Variants in ADK observed in about 807,000 individuals in gnomAD.
ADK encodes adenosine kinase, also known as N6,N6-dimethyladenosine kinase.
Under a neutral mutation model 44.7 loss-of-function variants are expected in ADK, and 24 were observed. The ratio of observed to expected loss-of-function variants is 0.54; its 90% CI spans 0.39 to 0.76. ADK has a LOEUF of 0.76. Ranked by LOEUF, ADK falls within the 30% of genes least tolerant of loss-of-function variation. The pLI is 0.00. For synonymous variants in ADK, 128 were observed against 142.6 expected, an observed-to-expected ratio of 0.90 and a Z score of 0.73; for missense variants, 321 against 425.1, an observed-to-expected ratio of 0.76 and a Z score of 2.15.
At chr10:74,545,470 C>T (rs577297071) in intron 7 of ADK, among the ~76,000 whole-genome samples, 1 of 152,238 alleles carries the variant, frequency 6.6e-6, no homozygotes, top group Admixed American at 6.5e-5. Flanking sequence ...GGTTTCAGTC[C>T]ATGGTGTACA....
chr10:74,572,634 G>A (rs1471754792), intron 7 of ADK, among the ~76,000 whole-genome samples: 1 of 151,986 alleles, frequency 6.6e-6, no homozygotes, highest in South Asian at 2.1e-4. Flanking sequence ...TCACTTTCAG[G>A]TACACAAATC....
chr10:74,546,896 T>C (rs1300398081), intron 7 of ADK, among the ~76,000 whole-genome samples: 1 of 152,170 alleles, frequency 6.6e-6, no homozygotes, highest in Non-Finnish European at 1.5e-5. Flanking sequence ...TAACAATGCA[T>C]GCTCATTGTA....
At chr10:74,282,852 T>C (rs1411619908) in intron 3 of ADK, among the ~76,000 whole-genome samples, 3 of 152,200 alleles carry the variant, frequency 2.0e-5, no homozygotes, top group African/African-American at 7.2e-5. Flanking sequence ...TAATTTTGTC[T>C]TATAGTATAT....
rs138464212 is a variant in ADK, at chr10:74,618,308, A to G, written c.877+17815A>G. On this transcript the variant is annotated intron_variant, in intron 9 of 10. Transcript: ENST00000539909. ...TATTTTTTTCTTTTTCTTCTCATTT[A>G]GCTTCTCGGTCTTGCCCTGTTGCCC... Among the ~76,000 whole-genome samples, 50 of 148,428 alleles carry G rather than the reference A, an allele frequency of 3.4e-4. 1 individual carries two copies. In the East Asian group the frequency reaches 6.1e-3, roughly 18 times the overall value.
intron 1 of ADK, among the ~76,000 whole-genome samples, chr10:74,175,234 T>A (rs531375698): frequency 6.6e-6 from 1 of 151,846 alleles, no homozygotes; most frequent in East Asian, 2.0e-4. Context: ...TACAAAAAAA[T>A]TTAGCCAGGT....
chr10:74,635,153 G>C (rs1000962096), intron 9 of ADK, among the ~76,000 whole-genome samples: 7 of 152,170 alleles, frequency 4.6e-5, no homozygotes, highest in African/African-American at 1.7e-4. Flanking sequence ...GTGAACCACA[G>C]GCAGAATAAA....
chr10:74,302,109 GTTTTTTTTTTTTTTTTTTTTTTT>G (rs1172807289), intron 3 of ADK, among the ~76,000 whole-genome samples: 1 of 13,052 alleles, frequency 7.7e-5, no homozygotes, highest in Non-Finnish European at 1.6e-4. Context: ...TTGTTTGTTT[GTTTTTTTTTTTTTTTTTTTTTTT>G]TTTTTTTTTT....
intron 4 of ADK, chr10:74,372,025 A>C: frequency 1.3e-6 from 1 of 771,148 alleles, no homozygotes. Flanking sequence ...ATTCTATGCA[A>C]CAATAAGGGA....
chr10:74,261,960 T>C (rs942253950), intron 3 of ADK, among the ~76,000 whole-genome samples: 1 of 152,112 alleles, frequency 6.6e-6, no homozygotes, highest in African/African-American at 2.4e-5. Flanking sequence ...TTTAGAGCTA[T>C]GAGTTATTTT....
intron 7 of ADK, among the ~76,000 whole-genome samples, chr10:74,558,503 G>A (rs1229734654): frequency 1.3e-5 from 2 of 152,194 alleles, no homozygotes; most frequent in Non-Finnish European, 2.9e-5. Context: ...TTAAAAGTGT[G>A]TGGCAGTTTC....
At chr10:74,598,551 G>C (rs546066467) in intron 8 of ADK, among the ~76,000 whole-genome samples, 1 of 145,430 alleles carries the variant, frequency 6.9e-6, no homozygotes, top group Non-Finnish European at 1.5e-5. Context: ...CTGGGTTCAA[G>C]CGATTCTCCT....
At chr10:74,670,078 C>T (rs949737509) in intron 9 of ADK, 105 bp from the exon 10 acceptor site, 3 of 897,578 alleles carry the variant, frequency 3.3e-6, no homozygotes, top group Non-Finnish European at 5.5e-6. Flanking sequence ...TGTCCTGTCT[C>T]TCTTTGAATG....
intron 3 of ADK, among the ~76,000 whole-genome samples, chr10:74,241,943 G>A (rs554826106): frequency 2.2e-4 from 33 of 152,278 alleles, no homozygotes; most frequent in Non-Finnish European, 4.0e-4. Context: ...TTTTTATGGT[G>A]GTTCTGCAAA....
At position 74,708,975 on chromosome 10, in the gene ADK, A is replaced by G. The variant is rs1034286181; in HGVS notation, c.*530A>G. ...AAATTTTATCTTGTCAATTATGCCA[A>G]ATAATCTCTTTAATGTGCACTCAAA... On this transcript the variant is annotated 3_prime_UTR_variant, in exon 11 of 11. Transcript: ENST00000539909. 3 of 155,580 alleles carry G rather than the reference A, an allele frequency of 1.9e-5. No homozygotes were observed. Among genetic ancestry groups the G allele is most frequent in the African/African-American group, 2.4e-5 (1 of 41,478 alleles). The allele number at this position is 155,580 out of a possible 1,614,324, so 9.6% of individuals were successfully genotyped here.
chr10:74,506,801 A>G (rs1848094112), intron 6 of ADK, among the ~76,000 whole-genome samples: 1 of 152,232 alleles, frequency 6.6e-6, no homozygotes, highest in Non-Finnish European at 1.5e-5. Flanking sequence ...TTATAGTTTT[A>G]TGATAGTGAT....
At chr10:74,175,103 AG>A (rs1842285049) in intron 1 of ADK, among the ~76,000 whole-genome samples, 1 of 152,264 alleles carries the variant, frequency 6.6e-6, no homozygotes, top group Admixed American at 6.5e-5. Flanking sequence ...ACATTAAAAA[AG>A]GTAAAAAAGA....
chr10:74,265,725 C>G (rs1846190516), intron 3 of ADK, among the ~76,000 whole-genome samples: 1 of 152,160 alleles, frequency 6.6e-6, no homozygotes, highest in Non-Finnish European at 1.5e-5. Context: ...TGAGATATAA[C>G]TGATTCATTT....
At chr10:74,568,822 A>G (rs368967357) in intron 7 of ADK, among the ~76,000 whole-genome samples, 3 of 152,152 alleles carry the variant, frequency 2.0e-5, no homozygotes, top group East Asian at 3.9e-4. Context: ...CATGTGCACA[A>G]CGTGCAGGTT....
intron 3 of ADK, among the ~76,000 whole-genome samples, chr10:74,303,735 A>G (rs1250094504): frequency 1.3e-5 from 2 of 151,736 alleles, no homozygotes; most frequent in East Asian, 3.9e-4. Flanking sequence ...TGGGAGGCTG[A>G]GGCGGGTGGA....
Sources: allele counts gnomAD v4.1 joint callset (sites outside exome capture counted in the v4.1 genomes callset), GRCh38; gene constraint gnomAD v4.1.1; transcripts MANE v1.5; gene names NCBI Gene and HGNC (gene_info 2026-07-23, HGNC 2026-07-21).